Variants in RAD52 observed in about 807,000 individuals in gnomAD.
RAD52 encodes the protein RAD52 DNA repair protein.
In RAD52, 47 loss-of-function variants were observed where a neutral mutation model predicts 55.5. The observed-to-expected ratio is 0.85, with a 90% CI of 0.67 to 1.08. The LOEUF is 1.08. Ranked by LOEUF, RAD52 falls within the 50% of genes least tolerant of loss-of-function variation. RAD52 has a pLI of 0.00. For missense variants in RAD52, 468 were observed against 522.8 expected (o/e 0.90, Z 1.02); for synonymous variants, 184 against 198.9 (o/e 0.92, Z 0.63).
chr12:932,044 G>A (rs1245674492), intron 2 of RAD52, among the ~76,000 whole-genome samples: 1 of 152,208 alleles, frequency 6.6e-6, no homozygotes, highest in Non-Finnish European at 1.5e-5. Context: ...AGGACCCCCA[G>A]TAACTTTCCA....
rs1220095062 is a variant in RAD52 at position 964,898 on chromosome 12, T to C, written c.-19+24911A>G. Among the ~76,000 whole-genome samples the C allele has an allele frequency of 2.0e-5, 3 of 151,950 alleles. No homozygotes were observed. The South Asian group carries it at 6.2e-4, about 32-fold the overall frequency. ...GCCTCTATGTGCTCTAAGTTTTCAATATTCAATATTTTGGATACACTTCTT... is the reference window on the plus strand; with the variant it reads ...GCCTCTATGTGCTCTAAGTTTTCAACATTCAATATTTTGGATACACTTCTT... On this transcript the variant is annotated intron_variant, in intron 1 of 11. Transcript: ENST00000430095.
chr12:953,459 G>A (rs991065474), upstream of RAD52, among the ~76,000 whole-genome samples: 6 of 152,190 alleles, frequency 3.9e-5, no homozygotes, highest in African/African-American at 1.4e-4. Flanking sequence ...CTCCCCTGCT[G>A]TGAGAGCAAG....
intron 1 of RAD52, among the ~76,000 whole-genome samples, chr12:943,401 G>A (rs1958019298): frequency 6.6e-6 from 1 of 152,296 alleles, no homozygotes; most frequent in East Asian, 1.9e-4. Context: ...GGAGTGCAGT[G>A]GCACAATCTC....
At chr12:922,492 A>G (rs140167420) in intron 7 of RAD52, among the ~76,000 whole-genome samples, 4 of 152,324 alleles carry the variant, frequency 2.6e-5, no homozygotes, top group African/African-American at 4.8e-5. Context: ...CCATCACCAA[A>G]TGAATGCATA....
At chr12:964,723 C>A (rs1369056532) in intron 1 of RAD52, among the ~76,000 whole-genome samples, 1 of 151,932 alleles carries the variant, frequency 6.6e-6, no homozygotes, top group Admixed American at 6.6e-5. Flanking sequence ...GAACCACAGG[C>A]GCATGCACTA....
intron 1 of RAD52, among the ~76,000 whole-genome samples, chr12:972,830 G>C (rs191464056): frequency 2.1e-4 from 32 of 151,794 alleles, no homozygotes; most frequent in Non-Finnish European, 3.2e-4. Context: ...ATGGTTGGGG[G>C]AACAGTAGGG....
At chr12:931,400 TTTA>T in intron 2 of RAD52, 79 bp from the exon 3 acceptor site, 1 of 1,082,554 alleles carries the variant, frequency 9.2e-7, no homozygotes, top group Non-Finnish European at 1.3e-6. Flanking sequence ...TTATGGAGAC[TTTA>T]TACTCTTAAA....
intron 1 of RAD52, among the ~76,000 whole-genome samples, chr12:979,573 G>T (rs1958983041): frequency 6.6e-6 from 1 of 152,194 alleles, no homozygotes; most frequent in African/African-American, 2.4e-5. Context: ...GTGTGTGTGT[G>T]TGTGCATACA....
chr12:939,684 G>A (rs7971205), intron 1 of RAD52, among the ~76,000 whole-genome samples: 150,874 of 152,354 alleles, frequency 0.99, 74,722 homozygotes, highest in East Asian at 1. Context: ...GTAGAAAAAC[G>A]TCAATTTCTT....
intron 1 of RAD52, among the ~76,000 whole-genome samples, chr12:971,701 A>G (rs1409550056): frequency 6.6e-6 from 1 of 152,226 alleles, no homozygotes; most frequent in African/African-American, 2.4e-5. Context: ...ACAAGAACGT[A>G]TAACTCGTAT....
At position 920,413 on chromosome 12, in the gene RAD52, G is replaced by A. The variant is rs1320287054; in HGVS notation, c.544-3593C>T. On this transcript the variant is annotated intron_variant, in intron 7 of 11. Transcript: ENST00000358495. Reference sequence around the variant, plus strand: ...CTACTAAAAATACAAAAAATTAGCCGGGCGTAGGTGGCGGGCGCCTGTAGT... The same window carrying A: ...CTACTAAAAATACAAAAAATTAGCCAGGCGTAGGTGGCGGGCGCCTGTAGT... Among the ~76,000 whole-genome samples, 7 of 54,778 alleles carry A rather than the reference G, an allele frequency of 1.3e-4. 1 individual carries two copies. The highest frequency in any genetic ancestry group is 3.9e-4 in the East Asian group (1 of 2,574). 35.9% of individuals were successfully genotyped at this position (54,778 alleles called of 152,430 possible). A position where few individuals can be genotyped will look rare whatever the true frequency, so the allele number is the denominator to read the frequency against.
At chr12:914,600 G>T in intron 9 of RAD52, 68 bp from the exon 10 acceptor site, 1 of 1,584,646 alleles carries the variant, frequency 6.3e-7, no homozygotes, top group South Asian at 1.1e-5. Context: ...CAGAGCGTGG[G>T]TCCACTCCCC....
intron 1 of RAD52, among the ~76,000 whole-genome samples, chr12:966,120 C>T (rs772384520): frequency 2.6e-5 from 4 of 152,024 alleles, no homozygotes; most frequent in Non-Finnish European, 4.4e-5. Context: ...TGTGCCACCA[C>T]AACTGGTTAA....
chr12:912,385 T>TCC lies in RAD52; in HGVS notation c.*1005_*1006insGG, dbSNP rs559807144. ...TCTGTTTCATGCACAAAATTATGTG[T>TCC]ATGAGGCATATACACGAAACACAGG... On this transcript the variant is annotated 3_prime_UTR_variant, in exon 12 of 12. Transcript: ENST00000358495. 198 of 202,972 alleles carry TCC rather than the reference T, an allele frequency of 9.8e-4. 2 individuals are homozygous for TCC. The highest frequency in any genetic ancestry group is 7.2e-3 in the South Asian group (38 of 5,274). 12.6% of individuals were successfully genotyped at this position (202,972 alleles called of 1,614,324 possible).
chr12:981,512 C>G (rs1229337857), intron 1 of RAD52, among the ~76,000 whole-genome samples: 1 of 152,064 alleles, frequency 6.6e-6, no homozygotes, highest in African/African-American at 2.4e-5. Flanking sequence ...GTGGGACAAG[C>G]ATAGAACAGA....
At position 914,529 on chromosome 12, in the gene RAD52, G is replaced by C; in HGVS notation, c.869C>G (p.Ala290Gly). ...GTGCGTCACAGGAGGGGCCGGAGGCGCTGCTACGGTTCACAGAGGAGAGAA... is the reference window on the plus strand; with the variant it reads ...GTGCGTCACAGGAGGGGCCGGAGGCCCTGCTACGGTTCACAGAGGAGAGAA... ...STPSAEKSEA[A>G]PPAPPVTHST... The change falls in exon 10 of 12, where the codon GCG becomes GGG. Residue 290 changes from alanine to glycine, a missense_variant. Physicochemically the swap from Ala to Gly is moderately conservative, Grantham distance 60. Transcript: ENST00000358495. The C allele has an allele frequency of 5.0e-6, 8 of 1,613,252 alleles. No homozygotes were observed. The highest frequency in any genetic ancestry group is 6.8e-6 in the Non-Finnish European group (8 of 1,179,844).
rs549961855 is a variant in RAD52 at position 912,492 on chromosome 12, T to C, written c.*899A>G. The C allele has an allele frequency of 4.2e-5, 8 of 191,540 alleles. No homozygotes were observed. In the Middle Eastern group the frequency reaches 5.4e-3, roughly 129 times the overall value. 11.9% of individuals were successfully genotyped at this position (191,540 alleles called of 1,614,324 possible). Reference sequence around the variant, plus strand: ...ATATTCAAAAAATGCAAAACAATTCTGGTTTCAAGCATTTCAGATAAGCAA... The same window carrying C: ...ATATTCAAAAAATGCAAAACAATTCCGGTTTCAAGCATTTCAGATAAGCAA... On this transcript the variant is annotated 3_prime_UTR_variant, in exon 12 of 12. Transcript: ENST00000358495.
At chr12:969,460 AATTT>A (rs1467487629) in intron 1 of RAD52, among the ~76,000 whole-genome samples, 5 of 152,160 alleles carry the variant, frequency 3.3e-5, no homozygotes, top group African/African-American at 1.2e-4. Context: ...ATATAATCAC[AATTT>A]ATTACATTTG....
At chr12:914,240 A>C in intron 10 of RAD52, 119 bp from the exon 11 acceptor site, 1 of 1,281,246 alleles carries the variant, frequency 7.8e-7, no homozygotes, top group Non-Finnish European at 1.1e-6. Context: ...AGTTTTTGGA[A>C]TTTCTCTCCC....
Sources: allele counts gnomAD v4.1 joint callset (sites outside exome capture counted in the v4.1 genomes callset), GRCh38; gene constraint gnomAD v4.1.1; transcripts MANE v1.5; gene names NCBI Gene and HGNC (gene_info 2026-07-23, HGNC 2026-07-21).